The following ROBO3 variants were observed in gnomAD, a reference collection of about 807,000 sequenced individuals.
ROBO3 encodes roundabout guidance receptor 3, also known as roundabout homolog 3.
In ROBO3, 97 loss-of-function variants were observed where a neutral mutation model predicts 160.5. That is an observed-to-expected ratio of 0.60 (90% CI 0.51 to 0.72). ROBO3 has a LOEUF of 0.72. ROBO3 is among the 30% of genes least tolerant of loss of function. The probability of loss-of-function intolerance (pLI) is 0.00; values close to 1 mark genes in which losing one functional copy is unlikely to be tolerated. For missense variants in ROBO3, 1,858 were observed against 1,846.5 expected (o/e 1.01, Z -0.11); for synonymous variants, 780 against 746.2 (o/e 1.05, Z -0.74).
Position 124,878,470 on chromosome 11 carries a change from C to T in ROBO3, c.3320+34C>T, listed in dbSNP as rs751253946. 6.2e-7 allele frequency: 1 copy of T among 1,608,188 alleles called. No individual in the cohort carries two copies. Among genetic ancestry groups the T allele is most frequent in the East Asian group, 2.2e-5 (1 of 44,752 alleles). On this transcript the variant is annotated intron_variant, in intron 22 of 27. Coordinates refer to ENST00000397801, the MANE Select transcript of ROBO3 (RefSeq NM_022370.4). This position sits in a 1 kb window ranked among gnomAD's most constrained non-coding sequence, Gnocchi z 4.3. ...GCTCCCTGCTTCCAGGCCCACACAC[C>T]TGCGGCCAGACCATGGGCTGCTGGG...
chr11:124,876,558 G>T lies in ROBO3; in HGVS notation c.2779+98G>T, dbSNP rs1946383201. The T allele has an allele frequency of 9.6e-7, 1 of 1,043,564 alleles. No homozygotes were observed. Among genetic ancestry groups the T allele is most frequent in the Non-Finnish European group, 1.3e-6 (1 of 788,052 alleles). The allele number at this position is 1,043,564 out of a possible 1,614,324, so 64.6% of individuals were successfully genotyped here. ...GCCGCTGGCGAGTGAGGACCGGGTC[G>T]GGAGAAAGGGGTCGCACCTGGAGTT... is the stretch of plus-strand genomic sequence containing the variant. On this transcript the variant is annotated intron_variant, in intron 17 of 27. Transcript: ENST00000397801. This position sits in a 1 kb window ranked among gnomAD's most constrained non-coding sequence, Gnocchi z 5.3.
intron 19 of ROBO3, 46 bp downstream of exon 19, chr11:124,877,355 CCA>C: frequency 6.2e-7 from 1 of 1,610,034 alleles, no homozygotes; most frequent in Non-Finnish European, 8.5e-7. Flanking sequence ...CACCGACAGG[CCA>C]CTCTTCTTCC....
rs753460629 is a variant in ROBO3 at position 124,865,641 on chromosome 11, G to A, written c.64G>A (p.Asp22Asn). ...CTTGTTCGCGGACTCTCTGGCCGGG[G>A]ACATCTCCAACTCCAGCGAGCTGCT... ...MNLFADSLAG[D>N]ISNSSELLLG... Residue 22 changes from aspartate (D) to asparagine (N), a missense_variant, in exon 1 of 28, where the codon GAC becomes AAC. Physicochemically the swap from Asp to Asn is conservative, Grantham distance 23. Transcript: ENST00000397801. This position sits in a 1 kb window ranked among gnomAD's most constrained non-coding sequence, Gnocchi z 5.5. 6 of 1,613,060 alleles carry A rather than the reference G, an allele frequency of 3.7e-6. No homozygotes were observed. The highest frequency in any genetic ancestry group is 5.1e-6 in the Non-Finnish European group (6 of 1,179,718).
chr11:124,868,731 T>C, intron 1 of ROBO3, 71 bp from the exon 2 acceptor site: 1 of 1,431,198 alleles, frequency 7.0e-7, no homozygotes, highest in Non-Finnish European at 9.6e-7. Context: ...AGGATTCTCT[T>C]TCCCTCTGGA....
rs2135330635 is a variant in ROBO3, at chr11:124,873,686, T to C, written c.1619-11T>C. On this transcript the variant is annotated splice_polypyrimidine_tract_variant and intron_variant, in intron 10 of 27. Transcript: ENST00000397801. The surrounding 1 kb of genome is among the most constrained non-coding windows in gnomAD (Gnocchi z 4.5). ...CCTATCTTTCTACTTAAAGATTATCTCCCACTGCAGAAGACTGGGGAGTAT... is the reference window on the plus strand; with the variant it reads ...CCTATCTTTCTACTTAAAGATTATCCCCCACTGCAGAAGACTGGGGAGTAT... The C allele has an allele frequency of 1.2e-6, 2 of 1,600,240 alleles. No homozygotes were observed. The highest frequency in any genetic ancestry group is 1.7e-6 in the Non-Finnish European group (2 of 1,173,198).
At chr11:124,880,316 A>T in intron 26 of ROBO3, 102 bp from the exon 27 acceptor site, 1 of 1,516,576 alleles carries the variant, frequency 6.6e-7, no homozygotes, top group African/African-American at 1.4e-5. Flanking sequence ...CCTGCCCTTC[A>T]TCTTCTTCCA....
rs150362949 is a variant in ROBO3, at chr11:124,881,219, ATCTC to A, written c.4150-9_4150-6del. 32 of 1,598,164 alleles carry A rather than the reference ATCTC, an allele frequency of 2.0e-5. No homozygotes were observed. The highest frequency in any genetic ancestry group is 6.8e-5 in the Admixed American group (4 of 58,610). The stretch of plus-strand genomic sequence containing the variant: ...CTGGGCCAGGGTTTTACAAAACAGC[ATCTC>A]TCTCTCTCTCCCTAGGAACCAAGAT... On this transcript the variant is annotated splice_polypyrimidine_tract_variant and intron_variant, in intron 27 of 27. Transcript: ENST00000397801.
In ROBO3 at chr11:124,868,888, T is replaced by G. The variant is rs993868984; in HGVS notation, c.247T>G (p.Leu83Val). ...LLVSRGEPATLPCRAEGRPRP... is the reference protein window; with the variant it reads ...LLVSRGEPATVPCRAEGRPRP... ...GGTCTCCCGAGGCGAGCCCGCCACGTTGCCCTGCCGCGCTGAAGGCCGACC... is the reference window on the plus strand; with the variant it reads ...GGTCTCCCGAGGCGAGCCCGCCACGGTGCCCTGCCGCGCTGAAGGCCGACC... Residue 83 changes from leucine (L) to valine (V), a missense_variant, in exon 2 of 28, where the codon TTG becomes GTG. By Grantham distance (32) the Leu-to-Val change is conservative. Transcript: ENST00000397801. 6.2e-7 allele frequency: 1 copy of G among 1,608,600 alleles called. No individual in the cohort carries two copies. The highest frequency in any genetic ancestry group is 8.5e-7 in the Non-Finnish European group (1 of 1,178,202).
At position 124,873,404 on chromosome 11, in the gene ROBO3, T is replaced by A. The variant is rs1946305527; in HGVS notation, c.1618+13T>A. ...CTTAAGATGCGGGGTGAGTTTTTTCTTTCTTCCCTTATTTTGATAATACCT... is the reference window on the plus strand; with the variant it reads ...CTTAAGATGCGGGGTGAGTTTTTTCATTCTTCCCTTATTTTGATAATACCT... On this transcript the variant is annotated intron_variant, in intron 10 of 27. Coordinates refer to ENST00000397801, the MANE Select transcript of ROBO3 (RefSeq NM_022370.4). This position sits in a 1 kb window ranked among gnomAD's most constrained non-coding sequence, Gnocchi z 4.5. 1 of 1,605,004 alleles carries A rather than the reference T, an allele frequency of 6.2e-7. No individual in the cohort carries two copies. The highest frequency in any genetic ancestry group is 1.3e-5 in the African/African-American group (1 of 74,864).
chr11:124,877,716 C>T (rs1033815868), intron 20 of ROBO3, 58 bp downstream of exon 20: 41 of 1,590,430 alleles, frequency 2.6e-5, no homozygotes, highest in Non-Finnish European at 3.3e-5. Context: ...CCTACTGGGG[C>T]AAACCGAAGG....
chr11:124,865,609 A>G lies in ROBO3; in HGVS notation c.32A>G (p.Gln11Arg), dbSNP rs1011734237. The G allele has an allele frequency of 5.6e-6, 9 of 1,612,710 alleles. No individual in the cohort carries two copies. Among genetic ancestry groups the G allele is most frequent in the Non-Finnish European group, 7.6e-6 (9 of 1,179,790 alleles). MLRYLLKTLL[Q>R]MNLFADSLAG... ...CGCTACCTGCTGAAAACGCTGCTGC[A>G]GATGAACTTGTTCGCGGACTCTCTG... Residue 11 changes from glutamine (Q) to arginine (R), a missense_variant, in exon 1 of 28, where the codon CAG (glutamine) becomes CGG (arginine). Physicochemically the swap from Gln to Arg is conservative, Grantham distance 43. Transcript: ENST00000397801. This position sits in a 1 kb window ranked among gnomAD's most constrained non-coding sequence, Gnocchi z 5.5.
At position 124,865,549 on chromosome 11, in the gene ROBO3, C is replaced by G; in HGVS notation, c.-29C>G. ...AGACCCAGGGGCTGGGCCCCCAGCC[C>G]CCAGTCCCGATCCCAGCTGGGTCGA... On this transcript the variant is annotated 5_prime_UTR_variant, in exon 1 of 28. Transcript: ENST00000397801. The surrounding 1 kb of genome is among the most constrained non-coding windows in gnomAD (Gnocchi z 5.5). 2 of 1,607,032 alleles carry G rather than the reference C, an allele frequency of 1.2e-6. No homozygotes were observed. The highest frequency in any genetic ancestry group is 1.7e-6 in the Non-Finnish European group (2 of 1,178,652).
In ROBO3 at chr11:124,879,527, C is replaced by T. The variant is rs773628947; in HGVS notation, c.3748C>T (p.Arg1250Trp). The change falls in exon 25 of 28, where the codon CGG becomes TGG. Residue 1250 changes from arginine (R) to tryptophan (W), a missense_variant. Transcript: ENST00000397801. Reference protein sequence around the residue: ...PPLQGPRARFRKKPKALPYRR... With the variant: ...PPLQGPRARFWKKPKALPYRR... ...ACTTCAAGGACCCCGTGCTCGATTC[C>T]GGAAGAAACCCAAGGCTCTTCCCTA... is the stretch of plus-strand genomic sequence containing the variant. 7.9e-5 allele frequency: 128 copies of T among 1,613,704 alleles called. No individual in the cohort carries two copies. Among genetic ancestry groups the T allele is most frequent in the Non-Finnish European group, 9.8e-5 (116 of 1,179,846 alleles).
In ROBO3 at chr11:124,869,445, C is replaced by CCCCCCACCA; in HGVS notation, c.488-3_488-2insCCCACCACC. On this transcript the variant is annotated splice_polypyrimidine_tract_variant and splice_region_variant and intron_variant, in intron 2 of 27. Transcript: ENST00000397801. The surrounding 1 kb of genome is among the most constrained non-coding windows in gnomAD (Gnocchi z 4.2). The stretch of plus-strand genomic sequence containing the variant: ...GCTTATTTCGCCCCCCACCGCCCCG[C>CCCCCCACCA]CCAGTCCTCCGTGATGATTTCCGGC... The CCCCCCACCA allele has an allele frequency of 6.6e-7, 1 of 1,505,516 alleles. No homozygotes were observed. Among genetic ancestry groups the CCCCCCACCA allele is most frequent in the Non-Finnish European group, 9.0e-7 (1 of 1,105,388 alleles). The allele number at this position is 1,505,516 out of a possible 1,614,324, so 93.3% of individuals were successfully genotyped here. A position where few individuals can be genotyped will look rare whatever the true frequency, so the allele number is the denominator to read the frequency against.
At chr11:124,868,673 A>AAG in intron 1 of ROBO3, 129 bp from the exon 2 acceptor site, 1 of 913,062 alleles carries the variant, frequency 1.1e-6, no homozygotes, top group East Asian at 2.6e-5. Context: ...GAGGGTAGGC[A>AAG]GGTGGGGACT....
chr11:124,871,792 C>T (rs373208149), intron 7 of ROBO3, among the ~76,000 whole-genome samples: 18 of 152,178 alleles, frequency 1.2e-4, no homozygotes, highest in African/African-American at 4.3e-4. Context: ...CATTCCAAAT[C>T]GACAGCCACA....
rs745697799 is a variant in ROBO3 at position 124,878,101 on chromosome 11, G to C, written c.3151G>C (p.Ala1051Pro). ...SGDLGPWSQY[A>P]PPEWSQGDSG... ...AGATCTGGGTCCCTGGAGCCAGTAC[G>C]CTCCTCCAGAGTGGAGCCAGGGGGA... The change falls in exon 21 of 28, where the codon GCT becomes CCT. Residue 1051 changes from alanine to proline, a missense_variant. Physicochemically the swap from Ala to Pro is conservative, Grantham distance 27. Transcript: ENST00000397801. This position sits in a 1 kb window ranked among gnomAD's most constrained non-coding sequence, Gnocchi z 4.3. 45 of 1,610,444 alleles carry C rather than the reference G, an allele frequency of 2.8e-5. No homozygotes were observed. Among genetic ancestry groups the C allele is most frequent in the Admixed American group, 1.3e-4 (8 of 59,630 alleles).
At chr11:124,875,450 G>A (rs117482133) in intron 14 of ROBO3, 114 bp downstream of exon 14, 97,910 of 1,578,944 alleles carry the variant, frequency 0.062, 3,663 homozygotes, top group South Asian at 0.12. Context: ...GTGGGAAGGA[G>A]GAATGGCTCT....
At position 124,875,095 on chromosome 11, in the gene ROBO3, G is replaced by T; in HGVS notation, c.2074-16G>T. On this transcript the variant is annotated splice_polypyrimidine_tract_variant and intron_variant, in intron 13 of 27. Transcript: ENST00000397801. Reference sequence around the variant, plus strand: ...CCAGCCTCCCCTTCTGGTGTGCCTTGTCCTGTCTCCCACAGGTGGATGGCC... The same window carrying T: ...CCAGCCTCCCCTTCTGGTGTGCCTTTTCCTGTCTCCCACAGGTGGATGGCC... The T allele has an allele frequency of 1.9e-6, 3 of 1,583,714 alleles. No homozygotes were observed. Among genetic ancestry groups the T allele is most frequent in the Non-Finnish European group, 2.6e-6 (3 of 1,165,168 alleles).
Sources: allele counts gnomAD v4.1 joint callset (sites outside exome capture counted in the v4.1 genomes callset), GRCh38; gene constraint gnomAD v4.1.1; non-coding constraint Gnocchi (gnomAD v3.1); transcripts MANE v1.5; gene names NCBI Gene and HGNC (gene_info 2026-07-23, HGNC 2026-07-21).